Variants in FBXO45 observed in about 807,000 individuals in gnomAD.
The protein encoded by FBXO45 is F-box protein 45.
A neutral mutation model predicts 25.5 loss-of-function variants in FBXO45; 3 were observed. The ratio of observed to expected loss-of-function variants is 0.12; its 90% CI spans 0.05 to 0.30. The LOEUF (loss-of-function observed/expected upper bound fraction) is 0.30. Ranked by LOEUF, FBXO45 falls within the 10% of genes least tolerant of loss-of-function variation. The probability of loss-of-function intolerance (pLI) is 1.00; values close to 1 mark genes in which losing one functional copy is unlikely to be tolerated. For synonymous variants in FBXO45, 155 were observed against 149.8 expected (o/e 1.03, Z -0.25); for missense variants, 219 against 365.0 (o/e 0.60, Z 3.26).
chr3:196,585,469 G>T lies in FBXO45; in HGVS notation c.*1151G>T, dbSNP rs954783463. ...TCAAACTCGTTATTGGGGCTATAAA[G>T]AAAACGTTTACTTACCCAGCTGAAA... is the stretch of plus-strand genomic sequence containing the variant. On this transcript the variant is annotated 3_prime_UTR_variant, in exon 3 of 3. Transcript: ENST00000311630. The T allele has an allele frequency of 4.6e-5, 7 of 152,130 alleles. No homozygotes were observed. The highest frequency in any genetic ancestry group is 1.7e-4 in the African/African-American group (7 of 41,432). 9.4% of individuals were successfully genotyped at this position (152,130 alleles called of 1,614,324 possible). A position where few individuals can be genotyped will look rare whatever the true frequency, so the allele number is the denominator to read the frequency against.
chr3:196,568,971 C>A lies in FBXO45; in HGVS notation c.-14C>A. On this transcript the variant is annotated 5_prime_UTR_variant, in exon 1 of 3. Transcript: ENST00000311630. Reference sequence around the variant, plus strand: ...GCGGCGGCAGCGGCGGCCCTAGGGCCGGCTGGTGAGGCGATGGCGGCGCCG... The same window carrying A: ...GCGGCGGCAGCGGCGGCCCTAGGGCAGGCTGGTGAGGCGATGGCGGCGCCG... 1 of 990,642 alleles carries A rather than the reference C, an allele frequency of 1.0e-6. No homozygotes were observed. The highest frequency in any genetic ancestry group is 4.5e-5 in the South Asian group (1 of 22,176). 61.4% of individuals were successfully genotyped at this position (990,642 alleles called of 1,614,324 possible).
At chr3:196,578,903 T>C (rs1735962784) in intron 2 of FBXO45, among the ~76,000 whole-genome samples, 1 of 152,152 alleles carries the variant, frequency 6.6e-6, no homozygotes, top group African/African-American at 2.4e-5. Flanking sequence ...AAGGATTGAA[T>C]ACCCCTGCTC....
chr3:196,579,016 G>C (rs1283121271), intron 2 of FBXO45, among the ~76,000 whole-genome samples: 1 of 152,110 alleles, frequency 6.6e-6, no homozygotes, highest in Admixed American at 6.5e-5. Flanking sequence ...TGGATTCAAA[G>C]CCCCTGGAGG....
At position 196,569,288 on chromosome 3, in the gene FBXO45, A is replaced by C. The variant is rs1389750378; in HGVS notation, c.304A>C (p.Ser102Arg). ...CACGGACATCCTGTGCAACCTGCCC[A>C]GCTACAAGGCCAAGGTGAGAGAGCC... ...LRTDILCNLP[S>R]YKAKIRAFQH... The change falls in exon 1 of 3, where the codon AGC (serine) becomes CGC (arginine). Residue 102 changes from serine to arginine, a missense_variant. Around this residue, in one of 4 missense-constraint regions of FBXO45, gnomAD observed 138 missense variants for 157.3 expected, o/e 0.88. Transcript: ENST00000311630. The surrounding 1 kb of genome is among the most constrained non-coding windows in gnomAD (Gnocchi z 4.1). The C allele has an allele frequency of 6.4e-7, 1 of 1,569,584 alleles. No individual in the cohort carries two copies. The highest frequency in any genetic ancestry group is 2.3e-5 in the East Asian group (1 of 42,724).
rs564779371 is a variant in FBXO45, at chr3:196,588,623, T to C, written c.*4305T>C. ...GTATTTATTTATACCTTGTTTAAAA[T>C]TATTTATTGATTATTTATTGGTGTC... On this transcript the variant is annotated 3_prime_UTR_variant, in exon 3 of 3. Coordinates refer to ENST00000311630, the MANE Select transcript of FBXO45 (RefSeq NM_001105573.2). This position sits in a 1 kb window ranked among gnomAD's most constrained non-coding sequence, Gnocchi z 4.2. 3 of 152,354 alleles carry C rather than the reference T, an allele frequency of 2.0e-5. 1 individual carries two copies. In the South Asian group the frequency reaches 6.2e-4, roughly 32 times the overall value. 9.4% of individuals were successfully genotyped at this position (152,354 alleles called of 1,614,324 possible).
At chr3:196,580,021 T>C (rs62410622) in intron 2 of FBXO45, among the ~76,000 whole-genome samples, 4,091 of 152,114 alleles carry the variant, frequency 0.027, 151 homozygotes, top group African/African-American at 0.082. Context: ...GACGGAGTTT[T>C]ACTCTTGTTG....
intron 2 of FBXO45, among the ~76,000 whole-genome samples, chr3:196,578,058 T>TTTTTTTTTTTTTTTTA (rs1560318212): frequency 1.1e-5 from 1 of 95,108 alleles, no homozygotes; most frequent in African/African-American, 4.3e-5. Flanking sequence ...TTTTTTTTTT[T>TTTTTTTTTTTTTTTTA]TAGACAGAAT....
chr3:196,568,920 C>A lies in FBXO45; in HGVS notation c.-65C>A. The A allele has an allele frequency of 1.0e-6, 1 of 982,364 alleles. No individual in the cohort carries two copies. The highest frequency in any genetic ancestry group is 1.2e-6 in the Non-Finnish European group (1 of 825,494). The allele number at this position is 982,364 out of a possible 1,614,324, so 60.9% of individuals were successfully genotyped here. On this transcript the variant is annotated 5_prime_UTR_variant, in exon 1 of 3. Transcript: ENST00000311630. Reference sequence around the variant, plus strand: ...CTCCGGTCTCCGGGCGAGGCTTGGCCTTCCGAGCAGAGACGGCGGGAAGCG... The same window carrying A: ...CTCCGGTCTCCGGGCGAGGCTTGGCATTCCGAGCAGAGACGGCGGGAAGCG...
At chr3:196,574,491 T>G (rs958987265) in intron 1 of FBXO45, among the ~76,000 whole-genome samples, 2 of 152,170 alleles carry the variant, frequency 1.3e-5, no homozygotes, top group Non-Finnish European at 2.9e-5. Context: ...AGTCTACATA[T>G]TCACTCACCA....
In FBXO45 at chr3:196,585,518, CATT is replaced by C. The variant is rs747562708; in HGVS notation, c.*1203_*1205del. ...AACAGGTTAAGAATATTCTTAATCTCATTATAGATAATTGCCCCCATGGGACTT... is the reference window on the plus strand; with the variant it reads ...AACAGGTTAAGAATATTCTTAATCTCATAGATAATTGCCCCCATGGGACTT... On this transcript the variant is annotated 3_prime_UTR_variant, in exon 3 of 3. Coordinates refer to ENST00000311630, the MANE Select transcript of FBXO45 (RefSeq NM_001105573.2). 21 of 152,176 alleles carry C rather than the reference CATT, an allele frequency of 1.4e-4. No homozygotes were observed. Among genetic ancestry groups the C allele is most frequent in the Non-Finnish European group, 1.2e-4 (8 of 68,032 alleles). 9.4% of individuals were successfully genotyped at this position (152,176 alleles called of 1,614,324 possible). A position where few individuals can be genotyped will look rare whatever the true frequency, so the allele number is the denominator to read the frequency against.
At chr3:196,573,501 T>C (rs1046736047) in intron 1 of FBXO45, among the ~76,000 whole-genome samples, 4 of 152,136 alleles carry the variant, frequency 2.6e-5, no homozygotes, top group South Asian at 2.1e-4. Context: ...GGTTAGTGCC[T>C]ATACCAGAGA....
chr3:196,570,318 A>G (rs1056520465), intron 1 of FBXO45, among the ~76,000 whole-genome samples: 1 of 149,838 alleles, frequency 6.7e-6, no homozygotes, highest in African/African-American at 2.5e-5. Flanking sequence ...GCTCACCGCA[A>G]CCTCCGCCTT....
intron 1 of FBXO45, among the ~76,000 whole-genome samples, chr3:196,570,438 T>C (rs1032006154): frequency 1.3e-5 from 2 of 152,032 alleles, no homozygotes; most frequent in Non-Finnish European, 1.5e-5. Context: ...GGTTTCTTCT[T>C]GTTGGTTAGG....
chr3:196,583,048 T>C (rs573050407), intron 2 of FBXO45, among the ~76,000 whole-genome samples: 4 of 152,164 alleles, frequency 2.6e-5, no homozygotes, highest in Non-Finnish European at 5.9e-5. Flanking sequence ...CCTGGTAAAC[T>C]CTGCTCTACA....
chr3:196,584,083 A>G lies in FBXO45; in HGVS notation c.676-50A>G, dbSNP rs374189142. On this transcript the variant is annotated intron_variant, in intron 2 of 2. Transcript: ENST00000311630. The surrounding 1 kb of genome is among the most constrained non-coding windows in gnomAD (Gnocchi z 4.3). ...TCTTGATTTGTGTCTTGTTTCTTCT[A>G]GCTACACCCTTGGCAGATTTTCTTC... 9.0e-6 allele frequency: 14 copies of G among 1,548,838 alleles called. No individual in the cohort carries two copies. In the East Asian group the frequency reaches 3.2e-4, roughly 35 times the overall value.
chr3:196,582,294 C>G (rs145879389), intron 2 of FBXO45, among the ~76,000 whole-genome samples: 3 of 152,102 alleles, frequency 2.0e-5, no homozygotes, highest in African/African-American at 7.2e-5. Context: ...AATACAAATA[C>G]GACACAACAC....
rs1161308752 is a variant in FBXO45, at chr3:196,569,287, C to T, written c.303C>T (p.Pro101=). 2.5e-6 allele frequency: 4 copies of T among 1,570,236 alleles called. No homozygotes were observed. The African/African-American group carries it at 5.4e-5, about 21-fold the overall frequency. ...ALRTDILCNL[P]SYKAKIRAFQ... is the part of the protein sequence containing the mutation. Reference sequence around the variant, plus strand: ...GCACGGACATCCTGTGCAACCTGCCCAGCTACAAGGCCAAGGTGAGAGAGC... The same window carrying T: ...GCACGGACATCCTGTGCAACCTGCCTAGCTACAAGGCCAAGGTGAGAGAGC... The change falls in exon 1 of 3, where the codon CCC becomes CCT. Residue 101 remains proline (P), a synonymous_variant. Coordinates refer to ENST00000311630, the MANE Select transcript of FBXO45 (RefSeq NM_001105573.2). This position sits in a 1 kb window ranked among gnomAD's most constrained non-coding sequence, Gnocchi z 4.1.
intron 2 of FBXO45, among the ~76,000 whole-genome samples, chr3:196,578,046 C>CTTTTTTTTTTTTTTTTTTTTTT: frequency 1.1e-5 from 1 of 94,100 alleles, no homozygotes; most frequent in African/African-American, 4.6e-5. Context: ...GAAAAATATT[C>CTTTTTTTTTTTTTTTTTTTTTT]TTTTTTTTTT....
chr3:196,577,993 T>C (rs1735943209), intron 2 of FBXO45, among the ~76,000 whole-genome samples, 184 bp downstream of exon 2: 1 of 150,186 alleles, frequency 6.7e-6, no homozygotes, highest in African/African-American at 2.5e-5. Flanking sequence ...TAGGGGGTTA[T>C]AGTTAATTTT....
Sources: gnomAD v4.1 joint callset for allele counts (sites outside exome capture counted in the v4.1 genomes callset) on GRCh38, gnomAD v4.1.1 for gene constraint, gnomAD v4.1.1 regional missense constraint, Gnocchi (gnomAD v3.1) non-coding constraint, MANE v1.5 for transcripts, NCBI Gene and HGNC (gene_info 2026-07-23, HGNC 2026-07-21) for gene names.